SNTB1: variants seen among roughly 807,000 people sequenced by gnomAD.
SNTB1 encodes beta-1-syntrophin.
SNTB1 carries 36 observed loss-of-function variants against 48.9 expected under a neutral mutation model. The ratio of observed to expected loss-of-function variants is 0.74; its 90% confidence interval spans 0.56 to 0.97. The LOEUF is 0.97. Ranked by LOEUF, SNTB1 falls within the 50% of genes least tolerant of loss-of-function variation. The probability of loss-of-function intolerance (pLI) is 0.00; values close to 1 mark genes in which losing one functional copy is unlikely to be tolerated. For missense variants in SNTB1, 786 were observed against 703.4 expected, an observed-to-expected ratio of 1.12 and a Z score of -1.33; for synonymous variants, 299 against 294.6, an observed-to-expected ratio of 1.01 and a Z score of -0.15.
chr8:120,667,872 C>T (rs568684293), intron 2 of SNTB1, among the ~76,000 whole-genome samples: 187 of 152,084 alleles, frequency 1.2e-3, no homozygotes, highest in African/African-American at 4.3e-3. Context: ...GAGGTGAGGC[C>T]CTTATGTGTG....
intron 1 of SNTB1, among the ~76,000 whole-genome samples, chr8:120,712,136 C>T (rs148925055): frequency 3.0e-4 from 45 of 152,030 alleles, no homozygotes; most frequent in African/African-American, 8.7e-4. Context: ...ATGACAGGCC[C>T]GGCGTGGTGG....
intron 1 of SNTB1, among the ~76,000 whole-genome samples, chr8:120,786,197 G>A (rs1233470928): frequency 1.3e-5 from 2 of 152,190 alleles, no homozygotes; most frequent in Admixed American, 1.3e-4. Context: ...GAGGAGCAGA[G>A]GGATTTCCAG....
chr8:120,620,021 A>T (rs1195778107), intron 3 of SNTB1, among the ~76,000 whole-genome samples: 1 of 152,220 alleles, frequency 6.6e-6, no homozygotes, highest in Admixed American at 6.5e-5. Context: ...TGGTAAATCA[A>T]TATTTCAGTA....
chr8:120,729,393 T>G (rs1818815999), intron 1 of SNTB1, among the ~76,000 whole-genome samples: 1 of 152,198 alleles, frequency 6.6e-6, no homozygotes, highest in South Asian at 2.1e-4. Context: ...TTAAAGAAAA[T>G]CTTATTTTCC....
chr8:120,781,168 G>T (rs1587157907), intron 1 of SNTB1, among the ~76,000 whole-genome samples: 1 of 152,190 alleles, frequency 6.6e-6, no homozygotes, highest in South Asian at 2.1e-4. Context: ...GTGGTGGGGA[G>T]CAAAGAGATA....
At chr8:120,554,421 C>T (rs1346913946) in intron 4 of SNTB1, among the ~76,000 whole-genome samples, 1 of 152,068 alleles carries the variant, frequency 6.6e-6, no homozygotes, top group Non-Finnish European at 1.5e-5. Context: ...AATAATCATC[C>T]AGACGTAGGA....
At chr8:120,807,066 T>C (rs543727914) in intron 1 of SNTB1, among the ~76,000 whole-genome samples, 41 of 152,314 alleles carry the variant, frequency 2.7e-4, no homozygotes, top group Non-Finnish European at 5.7e-4. Flanking sequence ...CTTTCTTCTT[T>C]GAGTTTCCAC....
chr8:120,738,784 T>C (rs1381184475), intron 1 of SNTB1, among the ~76,000 whole-genome samples: 1 of 152,156 alleles, frequency 6.6e-6, no homozygotes, highest in Admixed American at 6.5e-5. Flanking sequence ...ATTGCATGTA[T>C]CACCATTAAG....
At chr8:120,750,327 G>A (rs1819190659) in intron 1 of SNTB1, among the ~76,000 whole-genome samples, 1 of 152,092 alleles carries the variant, frequency 6.6e-6, no homozygotes, top group African/African-American at 2.4e-5. Flanking sequence ...ATTTTATGGA[G>A]AGTGTCTACA....
intron 3 of SNTB1, among the ~76,000 whole-genome samples, chr8:120,598,525 C>T (rs1233122085): frequency 6.6e-6 from 1 of 152,148 alleles, no homozygotes; most frequent in African/African-American, 2.4e-5. Flanking sequence ...AAGGTCTCAC[C>T]CCCAGGAGCT....
At chr8:120,776,535 G>T (rs1819738539) in intron 1 of SNTB1, 1 of 152,172 alleles carries the variant, frequency 6.6e-6, no homozygotes, top group African/African-American at 2.4e-5. Flanking sequence ...ATGATGTTAT[G>T]AAATGCCAGA....
chr8:120,712,576 AAATT>A (rs1331257768), intron 1 of SNTB1, among the ~76,000 whole-genome samples: 2 of 152,206 alleles, frequency 1.3e-5, no homozygotes, highest in African/African-American at 4.8e-5. Flanking sequence ...ATATGATGAT[AAATT>A]AATTATGTAG....
intron 2 of SNTB1, among the ~76,000 whole-genome samples, chr8:120,653,862 AC>A (rs1249440450): frequency 2.6e-5 from 4 of 151,018 alleles, no homozygotes; most frequent in African/African-American, 9.7e-5. Context: ...ACACGGTGAA[AC>A]CCCGTCTCTA....
chr8:120,542,243 G>A, intron 5 of SNTB1: 1 of 427,406 alleles, frequency 2.3e-6, no homozygotes, highest in Non-Finnish European at 4.2e-6. Context: ...AGGATCTACT[G>A]AATGTTATCT....
chr8:120,663,296 G>C (rs1412318979), intron 2 of SNTB1, among the ~76,000 whole-genome samples: 1 of 152,170 alleles, frequency 6.6e-6, no homozygotes, highest in Non-Finnish European at 1.5e-5. Context: ...AGTTAACTAA[G>C]CCAAAAAGGA....
At chr8:120,711,378 T>C (rs1421418151) in intron 1 of SNTB1, among the ~76,000 whole-genome samples, 1 of 152,146 alleles carries the variant, frequency 6.6e-6, no homozygotes, top group Non-Finnish European at 1.5e-5. Flanking sequence ...AGGTAAAGTA[T>C]ACTCCACATT....
chr8:120,791,797 C>A (rs1459363844), intron 1 of SNTB1, among the ~76,000 whole-genome samples: 1 of 151,784 alleles, frequency 6.6e-6, no homozygotes, highest in Non-Finnish European at 1.5e-5. Flanking sequence ...TTTTTTAAAA[C>A]CCACACAACA....
chr8:120,620,486 C>T (rs1746516569), intron 3 of SNTB1, among the ~76,000 whole-genome samples: 1 of 152,164 alleles, frequency 6.6e-6, no homozygotes, highest in African/African-American at 2.4e-5. Flanking sequence ...TATGGTACTT[C>T]ACTGCCCTTC....
At chr8:120,758,724 T>A (rs1453854922) in intron 1 of SNTB1, among the ~76,000 whole-genome samples, 1 of 152,170 alleles carries the variant, frequency 6.6e-6, no homozygotes, top group Non-Finnish European at 1.5e-5. Flanking sequence ...TCAAGGACAC[T>A]ACTCAATTGC....
Sources: gnomAD v4.1 joint callset for allele counts (sites outside exome capture counted in the v4.1 genomes callset) on GRCh38, gnomAD v4.1.1 for gene constraint, MANE v1.5 for transcripts, NCBI Gene and HGNC (gene_info 2026-07-23, HGNC 2026-07-21) for gene names.